Variants in USP34 observed in about 807,000 individuals in gnomAD.
The protein encoded by USP34 is ubiquitin carboxyl-terminal hydrolase 34.
USP34 carries 70 observed loss-of-function variants against 460.3 expected under a neutral mutation model. The observed-to-expected ratio is 0.15, with a 90% CI of 0.13 to 0.19. The LOEUF is 0.19. Ranked by LOEUF, USP34 falls within the 10% of genes least tolerant of loss-of-function variation. USP34 has a pLI of 1.00. For synonymous variants in USP34, 1,647 were observed against 1,405.3 expected, an observed-to-expected ratio of 1.17 and a Z score of -3.85; for missense variants, 3,985 against 4,236.2, an observed-to-expected ratio of 0.94 and a Z score of 1.65.
At chr2:61,363,843 A>G (rs1245587619) in intron 10 of USP34, among the ~76,000 whole-genome samples, 2 of 151,712 alleles carry the variant, frequency 1.3e-5, no homozygotes, top group African/African-American at 2.4e-5. Flanking sequence ...CAGTATATAC[A>G]TACAGTAGAG....
At chr2:61,251,508 G>C (rs1448767580) in intron 48 of USP34, among the ~76,000 whole-genome samples, 4 of 152,168 alleles carry the variant, frequency 2.6e-5, no homozygotes, top group Non-Finnish European at 5.9e-5. Context: ...AAACTCAGCT[G>C]TATCGTTTAT....
chr2:61,469,835 T>C (rs1489493810), intron 1 of USP34, among the ~76,000 whole-genome samples: 1 of 152,128 alleles, frequency 6.6e-6, no homozygotes, highest in Non-Finnish European at 1.5e-5. Context: ...TTCTATAAGC[T>C]GAAATACCAT....
At chr2:61,211,219 T>G (rs1294225776) in intron 69 of USP34, among the ~76,000 whole-genome samples, 1 of 152,202 alleles carries the variant, frequency 6.6e-6, no homozygotes, top group Non-Finnish European at 1.5e-5. Context: ...AAGTCTTAGA[T>G]GTAATACATA....
At chr2:61,245,865 C>CA (rs1688404421) in intron 50 of USP34, among the ~76,000 whole-genome samples, 2 of 151,948 alleles carry the variant, frequency 1.3e-5, no homozygotes, top group South Asian at 2.1e-4. Context: ...ATCTGAAGAC[C>CA]AAAAAACAGG....
At chr2:61,444,811 G>A (rs1695062102) in intron 1 of USP34, among the ~76,000 whole-genome samples, 1 of 151,808 alleles carries the variant, frequency 6.6e-6, no homozygotes, top group South Asian at 2.1e-4. Context: ...CACCGCACGT[G>A]GAGACCTCCT....
intron 18 of USP34, among the ~76,000 whole-genome samples, chr2:61,337,843 A>G (rs1317679882): frequency 3.9e-5 from 6 of 152,148 alleles, no homozygotes; most frequent in African/African-American, 1.4e-4. Flanking sequence ...ATATACTTAG[A>G]AGAGGAATTA....
At chr2:61,229,461 A>AAC in intron 59 of USP34, 87 bp downstream of exon 59, 1 of 663,060 alleles carries the variant, frequency 1.5e-6, no homozygotes, top group African/African-American at 2.2e-5. Context: ...ATCTCTTAAA[A>AAC]AAAAAAAAAA....
At chr2:61,437,774 A>AAAATAAATAAATAAAT (rs61610795) in intron 1 of USP34, among the ~76,000 whole-genome samples, 18,793 of 134,240 alleles carry the variant, frequency 0.14, 1,477 homozygotes, top group East Asian at 0.24. Context: ...CTCCGTCTCA[A>AAAATAAATAAATAAAT]AAATAAATAA....
At chr2:61,292,776 A>T (rs1359123376) in intron 33 of USP34, among the ~76,000 whole-genome samples, 1 of 152,146 alleles carries the variant, frequency 6.6e-6, no homozygotes, top group African/African-American at 2.4e-5. Flanking sequence ...TGAGCTTGAA[A>T]CTGGCCTGGG....
Position 61,232,445 on chromosome 2 carries a change from TC to T in USP34, c.7113+6del. Reference sequence around the variant, plus strand: ...AAATAATTTTTTTCAAACATATTTTTCCTTACCTGTCTCACAATTTGATTAG... The same window carrying T: ...AAATAATTTTTTTCAAACATATTTTTCTTACCTGTCTCACAATTTGATTAG... On this transcript the variant is annotated splice_donor_region_variant and intron_variant, in intron 58 of 79. Coordinates refer to ENST00000398571, the MANE Select transcript of USP34 (RefSeq NM_014709.4). 6.3e-7 allele frequency: 1 copy of T among 1,598,746 alleles called. No homozygotes were observed. The highest frequency in any genetic ancestry group is 8.5e-7 in the Non-Finnish European group (1 of 1,173,208).
chr2:61,417,705 T>TA, intron 2 of USP34, among the ~76,000 whole-genome samples: 1 of 148,496 alleles, frequency 6.7e-6, no homozygotes, highest in South Asian at 2.1e-4. Flanking sequence ...AATATATATA[T>TA]AAAATACTAA....
chr2:61,392,398 C>T (rs1385080829), intron 5 of USP34, among the ~76,000 whole-genome samples: 1 of 152,150 alleles, frequency 6.6e-6, no homozygotes, highest in South Asian at 2.1e-4. Context: ...CCGAGGTGGG[C>T]GGATCACAGG....
At chr2:61,366,472 A>C (rs1395276890) in intron 10 of USP34, among the ~76,000 whole-genome samples, 1 of 152,216 alleles carries the variant, frequency 6.6e-6, no homozygotes, top group Non-Finnish European at 1.5e-5. Flanking sequence ...AGCAGCCAAC[A>C]TATAGGTAAC....
intron 48 of USP34, among the ~76,000 whole-genome samples, chr2:61,249,122 C>G (rs1018325440): frequency 2.6e-5 from 4 of 152,228 alleles, no homozygotes. Context: ...TAACAATACA[C>G]TGTTCACAAT....
At chr2:61,257,450 A>G in intron 44 of USP34, 100 bp from the exon 45 acceptor site, 1 of 942,692 alleles carries the variant, frequency 1.1e-6, no homozygotes. Flanking sequence ...CAGGTAGTAA[A>G]TCTACTAAGT....
At chr2:61,226,317 C>T (rs1331285034) in intron 62 of USP34, among the ~76,000 whole-genome samples, 3 of 152,186 alleles carry the variant, frequency 2.0e-5, no homozygotes, top group Non-Finnish European at 4.4e-5. Flanking sequence ...TCTGCATATG[C>T]ACACGTCTGT....
At chr2:61,311,160 G>A (rs1482009633) in intron 27 of USP34, among the ~76,000 whole-genome samples, 1 of 152,160 alleles carries the variant, frequency 6.6e-6, no homozygotes, top group Admixed American at 6.6e-5. Flanking sequence ...AATGCAACAG[G>A]TTTTAGATGT....
At chr2:61,337,150 G>A (rs1691445931) in intron 18 of USP34, among the ~76,000 whole-genome samples, 1 of 152,112 alleles carries the variant, frequency 6.6e-6, no homozygotes, top group African/African-American at 2.4e-5. Context: ...AGCATTCCAG[G>A]AGCCTCTACT....
chr2:61,234,016 A>C (rs1307148246), intron 57 of USP34, among the ~76,000 whole-genome samples: 1 of 152,188 alleles, frequency 6.6e-6, no homozygotes, highest in Non-Finnish European at 1.5e-5. Context: ...ATTATGGAAA[A>C]AAAAGGAATA....
Sources: gnomAD v4.1 joint callset for allele counts (sites outside exome capture counted in the v4.1 genomes callset) on GRCh38, gnomAD v4.1.1 for gene constraint, MANE v1.5 for transcripts, NCBI Gene and HGNC (gene_info 2026-07-23, HGNC 2026-07-21) for gene names.